CSMD1: variants seen among roughly 807,000 people sequenced by gnomAD.
CSMD1 encodes the protein CUB and sushi domain-containing protein 1.
CSMD1 carries 213 observed loss-of-function variants against 417.5 expected under a neutral mutation model. That is an observed-to-expected ratio of 0.51 (90% CI 0.46 to 0.57). The LOEUF (loss-of-function observed/expected upper bound fraction) is 0.57, where lower values mean the gene tolerates loss of function less well. CSMD1 is among the 20% of genes least tolerant of loss of function. The pLI is 0.00. For synonymous variants in CSMD1, 2,862 were observed against 1,736.8 expected (o/e 1.65, Z -16.11); for missense variants, 6,923 against 4,529.7 (o/e 1.53, Z -15.17).
In CSMD1 at chr8:4,260,027, T is replaced by C. The variant is rs1245982236; in HGVS notation, c.415+159926A>G. Among the ~76,000 whole-genome samples, 4 of 1,664 alleles carry C rather than the reference T, an allele frequency of 2.4e-3. No homozygotes were observed. The Admixed American group carries it at 0.17, about 69-fold the overall frequency. 1.1% of individuals were successfully genotyped at this position (1,664 alleles called of 152,430 possible). A position where few individuals can be genotyped will look rare whatever the true frequency, so the allele number is the denominator to read the frequency against. The stretch of plus-strand genomic sequence containing the variant: ...GTTAACATGTCTTCTTGTGCACACT[T>C]TTTTTTTTTTAACACATACTTGAAA... On this transcript the variant is annotated intron_variant, in intron 3 of 69. Coordinates refer to ENST00000635120, the MANE Select transcript of CSMD1 (RefSeq NM_033225.6).
intron 27 of CSMD1, among the ~76,000 whole-genome samples, chr8:3,225,730 T>A (rs181741609): frequency 1.1e-3 from 162 of 152,312 alleles, no homozygotes; most frequent in Non-Finnish European, 1.1e-3. Flanking sequence ...GGAGGCACTT[T>A]CAAATGAGGT....
chr8:3,471,181 C>T lies in CSMD1; in HGVS notation c.1449-2357G>A, dbSNP rs866955598. Among the ~76,000 whole-genome samples, 5 of 152,264 alleles carry T rather than the reference C, an allele frequency of 3.3e-5. No individual in the cohort carries two copies. In the South Asian group the frequency reaches 6.2e-4, roughly 19 times the overall value. ...ATTCTCAATAGGCATTCGGTGTTGT[C>T]GGCATTTTTCCACACTTTAACAGCT... On this transcript the variant is annotated intron_variant, in intron 11 of 69. Transcript: ENST00000635120.
intron 26 of CSMD1, among the ~76,000 whole-genome samples, chr8:3,275,930 G>T (rs1328118705): frequency 6.6e-6 from 1 of 152,304 alleles, no homozygotes; most frequent in Non-Finnish European, 1.5e-5. Flanking sequence ...CTCTCAGCTT[G>T]TCAAACTCTT....
intron 5 of CSMD1, among the ~76,000 whole-genome samples, chr8:3,989,286 A>G (rs1814565738): frequency 6.6e-6 from 1 of 152,192 alleles, no homozygotes; most frequent in Admixed American, 6.5e-5. Context: ...GAAGTCATAA[A>G]ACCAAGACTA....
At chr8:4,452,221 G>C (rs961382968) in intron 2 of CSMD1, among the ~76,000 whole-genome samples, 6 of 152,130 alleles carry the variant, frequency 3.9e-5, no homozygotes, top group Non-Finnish European at 5.9e-5. Context: ...TTGACTGCCT[G>C]AGACTGATTC....
At chr8:4,729,387 A>G (rs1809700038) in intron 1 of CSMD1, among the ~76,000 whole-genome samples, 2 of 152,226 alleles carry the variant, frequency 1.3e-5, no homozygotes, top group African/African-American at 2.4e-5. Context: ...ATTGGAAGAA[A>G]TGAAAAAAGG....
At chr8:4,101,479 G>A (rs533440678) in intron 3 of CSMD1, among the ~76,000 whole-genome samples, 266 of 152,274 alleles carry the variant, frequency 1.7e-3, no homozygotes, top group African/African-American at 6.2e-3. Context: ...GGTCTCCATG[G>A]TGCAGCTGTC....
chr8:3,383,052 T>C (rs546231955), intron 18 of CSMD1, among the ~76,000 whole-genome samples: 4 of 152,248 alleles, frequency 2.6e-5, no homozygotes, highest in South Asian at 4.1e-4. Flanking sequence ...CGCATGTAGA[T>C]AGCCAGATTG....
chr8:3,622,592 T>A (rs933822259), intron 7 of CSMD1, among the ~76,000 whole-genome samples: 1 of 152,228 alleles, frequency 6.6e-6, no homozygotes. Context: ...TGGAATTCTG[T>A]GAAGGCGCAA....
chr8:3,876,411 T>A (rs549470029), intron 5 of CSMD1, among the ~76,000 whole-genome samples: 1 of 152,352 alleles, frequency 6.6e-6, no homozygotes, highest in South Asian at 2.1e-4. Flanking sequence ...TAAAGAATTC[T>A]GCACTTAGAA....
chr8:4,988,355 A>G (rs1251049487), intron 1 of CSMD1, among the ~76,000 whole-genome samples: 2 of 152,256 alleles, frequency 1.3e-5, no homozygotes, highest in Non-Finnish European at 2.9e-5. Flanking sequence ...TCCCTTTTAT[A>G]ACTTTTACCA....
rs1357800784 is a variant in CSMD1 at position 4,193,012 on chromosome 8, C to T, written c.416-160913G>A. ...CAAATGCAATCATATCTTTGTAACT[C>T]AGGAACTGATCTTGGAATATCTTAA... is the stretch of plus-strand genomic sequence containing the variant. On this transcript the variant is annotated intron_variant, in intron 3 of 69. Coordinates refer to ENST00000635120, the MANE Select transcript of CSMD1 (RefSeq NM_033225.6). Among the ~76,000 whole-genome samples, 7 of 152,280 alleles carry T rather than the reference C, an allele frequency of 4.6e-5. No homozygotes were observed. In the South Asian group the frequency reaches 1.4e-3, roughly 32 times the overall value.
At chr8:4,368,526 G>A (rs1802222036) in intron 3 of CSMD1, among the ~76,000 whole-genome samples, 1 of 151,996 alleles carries the variant, frequency 6.6e-6, no homozygotes, top group African/African-American at 2.4e-5. Flanking sequence ...CAAATTTTTG[G>A]GAATCATTTT....
At chr8:3,289,228 G>A (rs1174449590) in intron 25 of CSMD1, among the ~76,000 whole-genome samples, 2 of 147,302 alleles carry the variant, frequency 1.4e-5, no homozygotes, top group Non-Finnish European at 2.9e-5. Flanking sequence ...GTCTATCGTT[G>A]TTGGACATTT....
At chr8:4,501,257 G>C (rs187427754) in intron 2 of CSMD1, among the ~76,000 whole-genome samples, 3 of 152,102 alleles carry the variant, frequency 2.0e-5, no homozygotes, top group South Asian at 2.1e-4. Flanking sequence ...CTGCTAGATA[G>C]TTTATTCATA....
At chr8:2,950,472 G>A (rs1194782812) in intron 66 of CSMD1, 129 bp from the exon 67 acceptor site, 2 of 627,740 alleles carry the variant, frequency 3.2e-6, no homozygotes, top group Non-Finnish European at 5.7e-6. Flanking sequence ...AACAGAAATT[G>A]TATTTTTATT....
intron 3 of CSMD1, among the ~76,000 whole-genome samples, chr8:4,379,650 G>A (rs529812455): frequency 6.6e-6 from 1 of 151,392 alleles, no homozygotes; most frequent in Non-Finnish European, 1.5e-5. Context: ...GAGTCTGCTG[G>A]ACTTTTTTTG....
intron 1 of CSMD1, among the ~76,000 whole-genome samples, chr8:4,907,634 A>G (rs921094497): frequency 6.6e-6 from 1 of 152,120 alleles, no homozygotes; most frequent in Admixed American, 6.6e-5. Flanking sequence ...AACATGGCTC[A>G]CTGCAGCCTC....
intron 23 of CSMD1, among the ~76,000 whole-genome samples, chr8:3,328,355 A>G (rs1002490363): frequency 4.6e-5 from 7 of 152,200 alleles, no homozygotes; most frequent in Admixed American, 2.0e-4. Context: ...TCCTCTCTCA[A>G]TATCATCTGA....
Sources: allele counts gnomAD v4.1 joint callset (sites outside exome capture counted in the v4.1 genomes callset), GRCh38; gene constraint gnomAD v4.1.1; transcripts MANE v1.5; gene names NCBI Gene and HGNC (gene_info 2026-07-23, HGNC 2026-07-21).